FBXO42: variants seen among roughly 807,000 people sequenced by gnomAD.
The protein encoded by FBXO42 is F-box protein 42, also known as F-box only protein 42.
FBXO42 carries 12 observed loss-of-function variants against 71.7 expected under a neutral mutation model. That is an observed-to-expected ratio of 0.17 (90% CI 0.11 to 0.27). The LOEUF is 0.27. Ranked by LOEUF, FBXO42 falls within the 10% of genes least tolerant of loss-of-function variation. The pLI is 1.00. For synonymous variants in FBXO42, 325 were observed against 327.5 expected, an observed-to-expected ratio of 0.99 and a Z score of 0.08; for missense variants, 707 against 911.9, an observed-to-expected ratio of 0.78 and a Z score of 2.89.
intron 1 of FBXO42, among the ~76,000 whole-genome samples, chr1:16,339,884 T>C (rs1472007062): frequency 6.6e-6 from 1 of 152,104 alleles, no homozygotes; most frequent in African/African-American, 2.4e-5. Context: ...GCCTGGGAAA[T>C]CCAGGCTGCA....
intron 4 of FBXO42, among the ~76,000 whole-genome samples, chr1:16,277,036 A>G (rs1199374279): frequency 6.6e-6 from 1 of 152,248 alleles, no homozygotes; most frequent in East Asian, 1.9e-4. Context: ...ACAGATATTA[A>G]TACATTTTGG....
intron 3 of FBXO42, among the ~76,000 whole-genome samples, chr1:16,297,907 G>A (rs2082148357): frequency 6.8e-6 from 1 of 148,130 alleles, no homozygotes; most frequent in South Asian, 2.1e-4. Context: ...TGAATCCATG[G>A]CTCACATGTC....
At chr1:16,323,807 A>G (rs1029498150) in intron 1 of FBXO42, among the ~76,000 whole-genome samples, 1 of 151,232 alleles carries the variant, frequency 6.6e-6, no homozygotes, top group Non-Finnish European at 1.5e-5. Flanking sequence ...AAAAAAAAAA[A>G]AAAAAAAAAA....
At chr1:16,299,782 C>T (rs1028001810) in intron 3 of FBXO42, among the ~76,000 whole-genome samples, 2 of 151,988 alleles carry the variant, frequency 1.3e-5, no homozygotes, top group African/African-American at 2.4e-5. Flanking sequence ...GTAGTTTGGA[C>T]CACAGGCACG....
At chr1:16,298,838 T>G (rs1309936872) in intron 3 of FBXO42, among the ~76,000 whole-genome samples, 2 of 151,870 alleles carry the variant, frequency 1.3e-5, no homozygotes, top group Non-Finnish European at 2.9e-5. Context: ...AAACCTTAAC[T>G]AGTGTCCATT....
At chr1:16,334,230 G>A (rs1033899811) in intron 1 of FBXO42, among the ~76,000 whole-genome samples, 8 of 151,918 alleles carry the variant, frequency 5.3e-5, no homozygotes, top group South Asian at 4.1e-4. Flanking sequence ...TCAGGAGATC[G>A]AGACCATCCT....
chr1:16,300,777 A>G (rs12068146), intron 3 of FBXO42, among the ~76,000 whole-genome samples: 3,918 of 152,210 alleles, frequency 0.026, 145 homozygotes, highest in African/African-American at 0.09. Context: ...ACATTTTTCA[A>G]TGCATGATGT....
Position 16,256,595 on chromosome 1 carries a change from T to C in FBXO42, c.656+11A>G. 6.2e-7 allele frequency: 1 copy of C among 1,612,954 alleles called. No individual in the cohort carries two copies. The highest frequency in any genetic ancestry group is 8.5e-7 in the Non-Finnish European group (1 of 1,179,166). On this transcript the variant is annotated intron_variant, in intron 5 of 9. Coordinates refer to ENST00000375592, the MANE Select transcript of FBXO42 (RefSeq NM_018994.3). ...TCTTCCAGATTTAAAGAGTTTATCT[T>C]TGTGACTTACCAATTTTTAGAGGGT...
chr1:16,349,406 G>T (rs1249334917), intron 1 of FBXO42, among the ~76,000 whole-genome samples: 1 of 152,200 alleles, frequency 6.6e-6, no homozygotes, highest in African/African-American at 2.4e-5. Context: ...CCGCCATATG[G>T]AGGGCCCTCA....
At chr1:16,275,725 G>T (rs1464137751) in intron 4 of FBXO42, among the ~76,000 whole-genome samples, 2 of 152,144 alleles carry the variant, frequency 1.3e-5, no homozygotes, top group Non-Finnish European at 2.9e-5. Context: ...AAGGACAAAG[G>T]AGGCCAGGAG....
At chr1:16,328,992 ATC>A in intron 1 of FBXO42, among the ~76,000 whole-genome samples, 1 of 151,726 alleles carries the variant, frequency 6.6e-6, no homozygotes, top group East Asian at 2.0e-4. Flanking sequence ...GTGAAACCCC[ATC>A]TCTACTAAAA....
At chr1:16,322,381 G>C (rs895696350) in intron 1 of FBXO42, among the ~76,000 whole-genome samples, 24 of 152,142 alleles carry the variant, frequency 1.6e-4, no homozygotes, top group African/African-American at 5.8e-4. Flanking sequence ...TTCAAGACCA[G>C]CCTGACCAAC....
At chr1:16,327,557 A>G (rs1569929518) in intron 1 of FBXO42, among the ~76,000 whole-genome samples, 1 of 152,304 alleles carries the variant, frequency 6.6e-6, no homozygotes, top group East Asian at 1.9e-4. Context: ...AGAGTTAAAG[A>G]TAGAGCCTAA....
chr1:16,312,092 C>T (rs1028925010), intron 2 of FBXO42, among the ~76,000 whole-genome samples: 21 of 152,048 alleles, frequency 1.4e-4, no homozygotes, highest in Non-Finnish European at 3.1e-4. Flanking sequence ...GGCACGGTGG[C>T]TCACACCTGT....
intron 1 of FBXO42, among the ~76,000 whole-genome samples, chr1:16,347,484 A>G (rs978554160): frequency 1.3e-5 from 2 of 152,158 alleles, no homozygotes; most frequent in East Asian, 3.9e-4. Flanking sequence ...ACTGCCCTCC[A>G]GCCTAGGCAA....
chr1:16,314,422 T>A (rs1474502492), intron 2 of FBXO42, among the ~76,000 whole-genome samples: 1 of 152,180 alleles, frequency 6.6e-6, no homozygotes, highest in African/African-American at 2.4e-5. Flanking sequence ...ACGTGAATCT[T>A]TAATCCTGCA....
intron 4 of FBXO42, 97 bp downstream of exon 4, chr1:16,294,686 C>T: frequency 2.3e-6 from 3 of 1,320,676 alleles, no homozygotes; most frequent in Non-Finnish European, 3.2e-6. Flanking sequence ...GTCCCAGTAA[C>T]CCATCCTTGA....
intron 2 of FBXO42, among the ~76,000 whole-genome samples, chr1:16,313,927 T>G (rs2082339542): frequency 6.6e-6 from 1 of 152,128 alleles, no homozygotes; most frequent in African/African-American, 2.4e-5. Context: ...CACCTAAACA[T>G]TTAGCAAAAA....
chr1:16,310,985 A>ACAAG (rs1212255293), intron 2 of FBXO42, among the ~76,000 whole-genome samples: 1 of 149,224 alleles, frequency 6.7e-6, no homozygotes, highest in Non-Finnish European at 1.5e-5. Context: ...AAACAAACAA[A>ACAAG]CAAACAAACA....
Sources: gnomAD v4.1 joint callset for allele counts (sites outside exome capture counted in the v4.1 genomes callset) on GRCh38, gnomAD v4.1.1 for gene constraint, MANE v1.5 for transcripts, NCBI Gene and HGNC (gene_info 2026-07-23, HGNC 2026-07-21) for gene names.